Variants in KIF13A observed in about 807,000 individuals in gnomAD.
KIF13A encodes kinesin family member 13A, also known as kinesin-like protein KIF13A.
KIF13A carries 79 observed loss-of-function variants against 212.2 expected under a neutral mutation model. The observed-to-expected ratio is 0.37, with a 90% CI of 0.31 to 0.45. The LOEUF is 0.45. Among genes scored for constraint, KIF13A ranks in the 20% least tolerant of loss-of-function variants. The pLI is 1.00. For missense variants in KIF13A, 1,901 were observed against 2,209.0 expected, an observed-to-expected ratio of 0.86 and a Z score of 2.79; for synonymous variants, 789 against 808.6, an observed-to-expected ratio of 0.98 and a Z score of 0.41.
chr6:17,837,665 C>T lies in KIF13A; in HGVS notation c.831-82G>A. 1 of 958,636 alleles carries T rather than the reference C, an allele frequency of 1.0e-6. No homozygotes were observed. Among genetic ancestry groups the T allele is most frequent in the Admixed American group, 2.2e-5 (1 of 46,414 alleles). The allele number at this position is 958,636 out of a possible 1,614,324, so 59.4% of individuals were successfully genotyped here. A position where few individuals can be genotyped will look rare whatever the true frequency, so the allele number is the denominator to read the frequency against. On this transcript the variant is annotated intron_variant, in intron 9 of 38. Transcript: ENST00000259711. The surrounding 1 kb of genome is among the most constrained non-coding windows in gnomAD (Gnocchi z 5.4). ...AAATATGCAGAACAATAAAGCTCCA[C>T]AGTTAATACACGTTGGTGGCTCACG...
intron 29 of KIF13A, among the ~76,000 whole-genome samples, 161 bp from the exon 30 acceptor site, chr6:17,781,462 A>G (rs565522799): frequency 6.6e-6 from 1 of 151,924 alleles, no homozygotes; most frequent in African/African-American, 2.4e-5. Context: ...AGACTCCAAG[A>G]CTCACAACAG....
In KIF13A at chr6:17,787,019, G is replaced by C. The variant is rs1169068670; in HGVS notation, c.3361+757C>G. Among the ~76,000 whole-genome samples the C allele has an allele frequency of 6.6e-6, 1 of 152,230 alleles. No individual in the cohort carries two copies. The highest frequency in any genetic ancestry group is 6.5e-5 in the Admixed American group (1 of 15,288). ...AAGCAAACTGCACCCTTGGAGCTGA[G>C]TGGCAGTGAATAGAGTTGTAGGGGC... On this transcript the variant is annotated intron_variant, in intron 27 of 38. Transcript: ENST00000259711. The surrounding 1 kb of genome is among the most constrained non-coding windows in gnomAD (Gnocchi z 4.6).
chr6:17,863,078 C>T (rs1336097408), intron 4 of KIF13A, among the ~76,000 whole-genome samples: 1 of 152,214 alleles, frequency 6.6e-6, no homozygotes, highest in Non-Finnish European at 1.5e-5. Context: ...GCCTGAACGA[C>T]AGAGCAAGAC....
chr6:17,773,484 T>C lies in KIF13A; in HGVS notation c.4318A>G (p.Lys1440Glu), dbSNP rs1047635332. ...AAAATAATCTCACCACTACCTTCTT[T>C]ATTCCTTCGAGGAGAATCCCTGGGT... ...TLPRDSPRRN[K>E]EGCTSETPHA... The change falls in exon 36 of 39, where the codon AAA becomes GAA. Residue 1440 changes from lysine to glutamate, a missense_variant. Around this residue, in one of 5 missense-constraint regions of KIF13A, gnomAD observed 687 missense variants for 759.1 expected, o/e 0.90. Transcript: ENST00000259711. The surrounding 1 kb of genome is among the most constrained non-coding windows in gnomAD (Gnocchi z 4.2). 3.2e-6 allele frequency: 5 copies of C among 1,574,142 alleles called. No homozygotes were observed. Among genetic ancestry groups the C allele is most frequent in the Non-Finnish European group, 3.5e-6 (4 of 1,144,418 alleles).
chr6:17,788,849 C>T (rs1405540897), intron 26 of KIF13A, among the ~76,000 whole-genome samples: 1 of 152,098 alleles, frequency 6.6e-6, no homozygotes, highest in Non-Finnish European at 1.5e-5. Flanking sequence ...CTCAGCCTCC[C>T]GAGTAGCTGG....
rs1344521079 is a variant in KIF13A, at chr6:17,771,109, C to T, written c.4581+5G>A. ...CAATATGACAGAAATGGTTCCGGAA[C>T]TTACAATCTTCTTCTCACGTTTGCT... On this transcript the variant is annotated splice_donor_5th_base_variant and intron_variant, in intron 38 of 38. Coordinates refer to ENST00000259711, the MANE Select transcript of KIF13A (RefSeq NM_022113.6). The surrounding 1 kb of genome is among the most constrained non-coding windows in gnomAD (Gnocchi z 5.4). 2.5e-6 allele frequency: 4 copies of T among 1,597,652 alleles called. No individual in the cohort carries two copies. In the East Asian group the frequency reaches 8.9e-5, roughly 36 times the overall value.
At chr6:17,905,203 T>A (rs1773391394) in intron 2 of KIF13A, among the ~76,000 whole-genome samples, 1 of 152,250 alleles carries the variant, frequency 6.6e-6, no homozygotes, top group Non-Finnish European at 1.5e-5. Context: ...AGACAATTCT[T>A]CTTCTTCCAA....
chr6:17,946,878 C>T (rs1436989756), intron 2 of KIF13A, among the ~76,000 whole-genome samples: 1 of 152,170 alleles, frequency 6.6e-6, no homozygotes, highest in Admixed American at 6.6e-5. Flanking sequence ...AATTCAGCTA[C>T]GTGCATCAAC....
At position 17,919,358 on chromosome 6, in the gene KIF13A, C is replaced by T. The variant is rs1036988600; in HGVS notation, c.147-21178G>A. Among the ~76,000 whole-genome samples the T allele has an allele frequency of 6.6e-6, 1 of 152,120 alleles. No individual in the cohort carries two copies. Among genetic ancestry groups the T allele is most frequent in the Non-Finnish European group, 1.5e-5 (1 of 68,024 alleles). ...GTACTTAATGCTGCTAAAATAAGAC[C>T]ATTGAGAGAATTTCAAAAGTTATAT... On this transcript the variant is annotated intron_variant, in intron 2 of 38. Coordinates refer to ENST00000259711, the MANE Select transcript of KIF13A (RefSeq NM_022113.6). This position sits in a 1 kb window ranked among gnomAD's most constrained non-coding sequence, Gnocchi z 4.1.
Position 17,947,811 on chromosome 6 carries a change from A to C in KIF13A, c.146+39243T>G, listed in dbSNP as rs776286209. 9.2e-5 allele frequency among the ~76,000 whole-genome samples: 14 copies of C among 152,182 alleles called. No homozygotes were observed. The highest frequency in any genetic ancestry group is 1.3e-4 in the Admixed American group (2 of 15,272). ...AGCCGAGATTGCGCCATTGCGCTCCAGCCTGTGTGACAAGAGCAAAACTCT... is the reference window on the plus strand; with the variant it reads ...AGCCGAGATTGCGCCATTGCGCTCCCGCCTGTGTGACAAGAGCAAAACTCT... On this transcript the variant is annotated intron_variant, in intron 2 of 38. Transcript: ENST00000259711. This position sits in a 1 kb window ranked among gnomAD's most constrained non-coding sequence, Gnocchi z 4.6.
chr6:17,921,808 T>C (rs1775099294), intron 2 of KIF13A, among the ~76,000 whole-genome samples: 1 of 152,176 alleles, frequency 6.6e-6, no homozygotes, highest in Non-Finnish European at 1.5e-5. Flanking sequence ...CTGGCCCCAA[T>C]CTACCTAAAG....
intron 3 of KIF13A, among the ~76,000 whole-genome samples, chr6:17,879,054 GA>G (rs1770823482): frequency 1.3e-5 from 2 of 152,164 alleles, no homozygotes. Context: ...AAATCTACAT[GA>G]TTTCCCTAAA....
intron 38 of KIF13A, chr6:17,770,849 C>A: frequency 4.3e-6 from 3 of 695,406 alleles, no homozygotes; most frequent in South Asian, 3.4e-5. Flanking sequence ...CTTTGTTACA[C>A]TTTTTATAAA....
At chr6:17,874,989 A>G (rs1486187461) in intron 3 of KIF13A, among the ~76,000 whole-genome samples, 19 of 86,620 alleles carry the variant, frequency 2.2e-4, no homozygotes, top group African/African-American at 9.5e-4. Flanking sequence ...ACACACACAC[A>G]CACGCACACG....
At chr6:17,952,887 G>A (rs1054163781) in intron 2 of KIF13A, among the ~76,000 whole-genome samples, 1 of 150,612 alleles carries the variant, frequency 6.6e-6, no homozygotes, top group East Asian at 2.0e-4. Context: ...CCGAGATAGC[G>A]CCACTGCACT....
chr6:17,807,114 T>C (rs1763032047), intron 18 of KIF13A, among the ~76,000 whole-genome samples: 3 of 152,188 alleles, frequency 2.0e-5, no homozygotes, highest in African/African-American at 7.2e-5. Flanking sequence ...TACAAATTGA[T>C]TATAAAATGT....
At chr6:17,845,008 T>G (rs978572328) in intron 9 of KIF13A, among the ~76,000 whole-genome samples, 1 of 152,120 alleles carries the variant, frequency 6.6e-6, no homozygotes, top group African/African-American at 2.4e-5. Flanking sequence ...CACCCAAGAC[T>G]GGGTAATTTT....
chr6:17,786,058 CA>C lies in KIF13A; in HGVS notation c.3362-418del, dbSNP rs536601500. Among the ~76,000 whole-genome samples the C allele has an allele frequency of 1.3e-5, 2 of 152,140 alleles. No homozygotes were observed. The highest frequency in any genetic ancestry group is 2.9e-5 in the Non-Finnish European group (2 of 68,020). ...ATGCATAGGGAGCTAAGAGGGGCTT[CA>C]ACACCAATTTAAGGAACTGCAAGCC... On this transcript the variant is annotated intron_variant, in intron 27 of 38. Coordinates refer to ENST00000259711, the MANE Select transcript of KIF13A (RefSeq NM_022113.6). The surrounding 1 kb of genome is among the most constrained non-coding windows in gnomAD (Gnocchi z 5.4).
chr6:17,824,777 AAAAC>A (rs1344384755), intron 16 of KIF13A, among the ~76,000 whole-genome samples: 75 of 147,940 alleles, frequency 5.1e-4, no homozygotes, highest in African/African-American at 1.7e-3. Flanking sequence ...AAAAAAAAAA[AAAAC>A]AAAACACCAA....
Sources: allele counts gnomAD v4.1 joint callset (sites outside exome capture counted in the v4.1 genomes callset), GRCh38; gene constraint gnomAD v4.1.1; regional missense constraint gnomAD v4.1.1; non-coding constraint Gnocchi (gnomAD v3.1); transcripts MANE v1.5; gene names NCBI Gene and HGNC (gene_info 2026-07-23, HGNC 2026-07-21).